GRIA4: variants seen among roughly 807,000 people sequenced by gnomAD.
GRIA4 encodes glutamate ionotropic receptor AMPA type subunit 4.
A neutral mutation model predicts 104.0 loss-of-function variants in GRIA4; 34 were observed. That is an observed-to-expected ratio of 0.33 (90% CI 0.25 to 0.44). The LOEUF is 0.44. Ranked by LOEUF, GRIA4 falls within the 20% of genes least tolerant of loss-of-function variation. The pLI is 1.00. For missense variants in GRIA4, 750 were observed against 1,096.5 expected, an observed-to-expected ratio of 0.68 and a Z score of 4.46; for synonymous variants, 386 against 381.9, an observed-to-expected ratio of 1.01 and a Z score of -0.13.
intron 7 of GRIA4, 95 bp downstream of exon 7, chr11:105,898,522 C>A: frequency 1.4e-6 from 1 of 736,508 alleles, no homozygotes; most frequent in Non-Finnish European, 2.3e-6. Flanking sequence ...TTTTGCCAAA[C>A]ATAGTATGGC....
chr11:105,623,053 GTATATATATATATATATATA>G (rs58596312), intron 3 of GRIA4, among the ~76,000 whole-genome samples: 87 of 127,582 alleles, frequency 6.8e-4, no homozygotes, highest in Middle Eastern at 3.8e-3. Flanking sequence ...GTATTCCATT[GTATATATATATATATATATA>G]TATATATATA....
At position 105,980,658 on chromosome 11, in the gene GRIA4, A is replaced by G. The variant is rs968269577; in HGVS notation, c.*919A>G. 1 of 152,640 alleles carries G rather than the reference A, an allele frequency of 6.6e-6. No homozygotes were observed. Among genetic ancestry groups the G allele is most frequent in the Non-Finnish European group, 1.5e-5 (1 of 68,052 alleles). 9.5% of individuals were successfully genotyped at this position (152,640 alleles called of 1,614,324 possible). On this transcript the variant is annotated 3_prime_UTR_variant, in exon 17 of 17. Coordinates refer to ENST00000282499, the MANE Select transcript of GRIA4 (RefSeq NM_000829.4). ...TTTATAATCTCATTCTGTGTACAAC[A>G]TTGTGGTTTTTGTACCCACCAAAAA...
At chr11:105,688,012 C>G (rs1028089621) in intron 3 of GRIA4, among the ~76,000 whole-genome samples, 19 of 151,888 alleles carry the variant, frequency 1.3e-4, no homozygotes, top group African/African-American at 4.4e-4. Flanking sequence ...ATATATAGAC[C>G]TAAGTAGAGA....
intron 14 of GRIA4, among the ~76,000 whole-genome samples, chr11:105,954,910 T>TTATATA (rs56101816): frequency 0.025 from 1,134 of 45,694 alleles, 7 homozygotes; most frequent in Non-Finnish European, 0.037. Flanking sequence ...TGCTTTCAAT[T>TTATATA]TATATATATA....
chr11:105,934,618 A>G (rs1947979071), intron 14 of GRIA4, among the ~76,000 whole-genome samples: 1 of 152,150 alleles, frequency 6.6e-6, no homozygotes, highest in South Asian at 2.1e-4. Flanking sequence ...CCCAATGGCA[A>G]TCCAAAAATG....
Position 105,912,909 on chromosome 11 carries a change from T to C in GRIA4, c.1269+2364T>C, listed in dbSNP as rs894651297. On this transcript the variant is annotated intron_variant, in intron 10 of 16. Transcript: ENST00000282499. ...TGAAAACTCCCAACACAGATGGAAT[T>C]GGCTAGACATTTTAATATATGTGAT... The C allele has an allele frequency of 8.2e-6, 8 of 979,612 alleles. No individual in the cohort carries two copies. The African/African-American group carries it at 1.4e-4, about 17-fold the overall frequency. The allele number at this position is 979,612 out of a possible 1,614,324, so 60.7% of individuals were successfully genotyped here.
At chr11:105,866,547 GTGTGTATATATATA>G (rs1360789154) in intron 5 of GRIA4, among the ~76,000 whole-genome samples, 1 of 42,668 alleles carries the variant, frequency 2.3e-5, no homozygotes, top group South Asian at 5.3e-4. Flanking sequence ...GTGTGTGTGT[GTGTGTATATATATA>G]TATATATATA....
chr11:105,877,192 T>C (rs1220476982), intron 5 of GRIA4, among the ~76,000 whole-genome samples: 4 of 152,220 alleles, frequency 2.6e-5, no homozygotes, highest in Admixed American at 6.5e-5. Context: ...GATATGAAAT[T>C]CTGGGTTAAA....
intron 3 of GRIA4, among the ~76,000 whole-genome samples, chr11:105,645,504 C>T (rs189289964): frequency 7.0e-4 from 106 of 152,110 alleles, no homozygotes; most frequent in African/African-American, 2.0e-3. Flanking sequence ...AAATCAAAGA[C>T]AATTCATCAA....
intron 4 of GRIA4, among the ~76,000 whole-genome samples, chr11:105,825,525 C>A (rs549829793): frequency 1.4e-4 from 22 of 152,186 alleles, no homozygotes; most frequent in Non-Finnish European, 2.8e-4. Context: ...AGTTGACTTA[C>A]CCCAAAATAG....
chr11:105,662,946 A>C (rs1952057003), intron 3 of GRIA4, among the ~76,000 whole-genome samples: 2 of 151,922 alleles, frequency 1.3e-5, no homozygotes, highest in Non-Finnish European at 2.9e-5. Flanking sequence ...AATTACAGCC[A>C]TGACACAGAG....
chr11:105,977,079 C>G (rs1320943496), intron 16 of GRIA4, among the ~76,000 whole-genome samples: 1 of 151,978 alleles, frequency 6.6e-6, no homozygotes, highest in Non-Finnish European at 1.5e-5. Context: ...ACAGATTTTT[C>G]TGGCAAAAGC....
intron 3 of GRIA4, among the ~76,000 whole-genome samples, chr11:105,647,634 T>C (rs1460200113): frequency 6.6e-6 from 1 of 152,074 alleles, no homozygotes; most frequent in Non-Finnish European, 1.5e-5. Context: ...CGAGATCATG[T>C]CCTTTGCAAG....
intron 6 of GRIA4, among the ~76,000 whole-genome samples, chr11:105,895,385 T>C (rs1946616022): frequency 6.6e-6 from 1 of 151,896 alleles, no homozygotes; most frequent in African/African-American, 2.4e-5. Context: ...CACTTTTTAT[T>C]GAGTGTGGAT....
At chr11:105,680,877 G>A (rs894501456) in intron 3 of GRIA4, among the ~76,000 whole-genome samples, 1 of 152,124 alleles carries the variant, frequency 6.6e-6, no homozygotes, top group African/African-American at 2.4e-5. Context: ...CTCCTTGCAA[G>A]CAGACATCTT....
intron 4 of GRIA4, among the ~76,000 whole-genome samples, chr11:105,850,252 T>G (rs888895743): frequency 6.6e-6 from 1 of 152,252 alleles, no homozygotes; most frequent in African/African-American, 2.4e-5. Flanking sequence ...AGACTTTTTT[T>G]GCATTCATTA....
At chr11:105,950,655 C>G (rs1229331718) in intron 14 of GRIA4, among the ~76,000 whole-genome samples, 1 of 151,922 alleles carries the variant, frequency 6.6e-6, no homozygotes, top group Non-Finnish European at 1.5e-5. Flanking sequence ...TATCTACTAC[C>G]CTTCCTTCTT....
In GRIA4 at chr11:105,913,095, T is replaced by C. The variant is rs1214425759; in HGVS notation, c.1269+2550T>C. 4 of 772,262 alleles carry C rather than the reference T, an allele frequency of 5.2e-6. No homozygotes were observed. In the East Asian group the frequency reaches 5.1e-4, roughly 98 times the overall value. 47.8% of individuals were successfully genotyped at this position (772,262 alleles called of 1,614,324 possible). A position where few individuals can be genotyped will look rare whatever the true frequency, so the allele number is the denominator to read the frequency against. Reference sequence around the variant, plus strand: ...CACTATATGCTATTGCTAAATAAAATTGATTGAGAAATTCAGTTATTCATA... The same window carrying C: ...CACTATATGCTATTGCTAAATAAAACTGATTGAGAAATTCAGTTATTCATA... On this transcript the variant is annotated intron_variant, in intron 10 of 16. Coordinates refer to ENST00000282499, the MANE Select transcript of GRIA4 (RefSeq NM_000829.4).
chr11:105,831,994 G>A (rs1398369560), intron 4 of GRIA4, among the ~76,000 whole-genome samples: 1 of 151,970 alleles, frequency 6.6e-6, no homozygotes, highest in Non-Finnish European at 1.5e-5. Flanking sequence ...TGGACATGCT[G>A]GATTGGAGGG....
Sources: allele counts gnomAD v4.1 joint callset (sites outside exome capture counted in the v4.1 genomes callset), GRCh38; gene constraint gnomAD v4.1.1; transcripts MANE v1.5; gene names NCBI Gene and HGNC (gene_info 2026-07-23, HGNC 2026-07-21).